IRF8: variants seen among roughly 807,000 people sequenced by gnomAD.
IRF8 encodes the protein interferon regulatory factor 8.
A neutral mutation model predicts 48.7 loss-of-function variants in IRF8; 14 were observed. The ratio of observed to expected loss-of-function variants is 0.29; its 90% confidence interval spans 0.19 to 0.45. The LOEUF is 0.45. Ranked by LOEUF, IRF8 falls within the 20% of genes least tolerant of loss-of-function variation. IRF8 has a pLI of 1.00. For missense variants in IRF8, 493 were observed against 580.7 expected, an observed-to-expected ratio of 0.85 and a Z score of 1.55; for synonymous variants, 278 against 227.3, an observed-to-expected ratio of 1.22 and a Z score of -2.01.
In IRF8 at chr16:85,909,044, A is replaced by T. The variant is rs922368153; in HGVS notation, c.229A>T (p.Thr77Ser). 3 of 1,614,076 alleles carry T rather than the reference A, an allele frequency of 1.9e-6. No homozygotes were observed. In the African/African-American group the frequency reaches 4.0e-5, roughly 22 times the overall value. ...FKEGDKAEPA[T>S]WKTRLRCALN... Reference sequence around the variant, plus strand: ...AGAAGGGGACAAAGCTGAACCAGCCACTTGGAAGACGAGGTTACGCTGTGC... The same window carrying T: ...AGAAGGGGACAAAGCTGAACCAGCCTCTTGGAAGACGAGGTTACGCTGTGC... The change falls in exon 3 of 9, where the codon ACT becomes TCT. Residue 77 changes from threonine (T) to serine (S), a missense_variant. By Grantham distance (58) the Thr-to-Ser change is moderately conservative. Transcript: ENST00000268638.
chr16:85,909,022 A>T lies in IRF8; in HGVS notation c.207A>T (p.Glu69Asp), dbSNP rs769848729. 1 of 1,614,022 alleles carries T rather than the reference A, an allele frequency of 6.2e-7. No homozygotes were observed. The highest frequency in any genetic ancestry group is 2.2e-5 in the East Asian group (1 of 44,894). The change falls in exon 3 of 9, where the codon GAA (glutamate) becomes GAT (aspartate). Residue 69 changes from glutamate (E) to aspartate (D), a missense_variant. By Grantham distance (45) the Glu-to-Asp change is conservative. Coordinates refer to ENST00000268638, the MANE Select transcript of IRF8 (RefSeq NM_002163.4). ...CAGTTTTTAAAGGGAAGTTTAAAGA[A>T]GGGGACAAAGCTGAACCAGCCACTT... ...AWAVFKGKFKEGDKAEPATWK... is the reference protein window; with the variant it reads ...AWAVFKGKFKDGDKAEPATWK...
rs1904739051 is a variant in IRF8 at position 85,899,177 on chromosome 16, G to C, written c.-48G>C. On this transcript the variant is annotated 5_prime_UTR_variant, in exon 1 of 9. Coordinates refer to ENST00000268638, the MANE Select transcript of IRF8 (RefSeq NM_002163.4). ...CTGGCGCATCGCCTGGAGCGCGGCA[G>C]CAAGCGTGGGAACGCGGGCGGCGAG... is the stretch of plus-strand genomic sequence containing the variant. The C allele has an allele frequency of 6.6e-6, 1 of 152,316 alleles. No homozygotes were observed. Among genetic ancestry groups the C allele is most frequent in the African/African-American group, 2.4e-5 (1 of 41,478 alleles). The allele number at this position is 152,316 out of a possible 1,614,324, so 9.4% of individuals were successfully genotyped here. A position where few individuals can be genotyped will look rare whatever the true frequency, so the allele number is the denominator to read the frequency against.
chr16:85,899,967 A>G (rs557952124), intron 1 of IRF8, among the ~76,000 whole-genome samples: 16 of 152,326 alleles, frequency 1.1e-4, no homozygotes, highest in Middle Eastern at 3.4e-3. Flanking sequence ...AGTCTCCCCA[A>G]CCAATGGCCC....
intron 6 of IRF8, chr16:85,918,211 T>G: frequency 1.7e-6 from 1 of 587,646 alleles, no homozygotes. Flanking sequence ...TGTTCAGTCA[T>G]TGGTTTCCTT....
intron 7 of IRF8, among the ~76,000 whole-genome samples, chr16:85,919,544 G>C (rs1905462904): frequency 6.6e-6 from 1 of 152,204 alleles, no homozygotes; most frequent in Non-Finnish European, 1.5e-5. Flanking sequence ...GAGGAGGTGT[G>C]AGGCCGCGGT....
Position 85,918,560 on chromosome 16 carries a change from C to T in IRF8, c.745C>T (p.Leu249=), listed in dbSNP as rs772597014. The T allele has an allele frequency of 3.7e-6, 6 of 1,603,962 alleles. No homozygotes were observed. Among genetic ancestry groups the T allele is most frequent in the Non-Finnish European group, 5.1e-6 (6 of 1,179,206 alleles). The change falls in exon 7 of 9, where the codon CTG becomes TTG. Residue 249 remains leucine, a synonymous_variant. Coordinates refer to ENST00000268638, the MANE Select transcript of IRF8 (RefSeq NM_002163.4). Reference sequence around the variant, plus strand: ...GCTGTATGGGCCCGAGGGCCTGGAGCTGGTGCGCTTCCCGCCGGCCGACGC... The same window carrying T: ...GCTGTATGGGCCCGAGGGCCTGGAGTTGGTGCGCTTCCCGCCGGCCGACGC... The part of the protein sequence containing the change: ...TKLYGPEGLE[L]VRFPPADAIP...
In IRF8 at chr16:85,909,310, G is replaced by A. The variant is rs753330403; in HGVS notation, c.358+137G>A. 480 of 741,550 alleles carry A rather than the reference G, an allele frequency of 6.5e-4. 1 individual carries two copies. Among genetic ancestry groups the A allele is most frequent in the Non-Finnish European group, 5.9e-4 (251 of 425,462 alleles). The allele number at this position is 741,550 out of a possible 1,614,324, so 45.9% of individuals were successfully genotyped here. On this transcript the variant is annotated intron_variant, in intron 3 of 8. Coordinates refer to ENST00000268638, the MANE Select transcript of IRF8 (RefSeq NM_002163.4). The stretch of plus-strand genomic sequence containing the variant: ...TAAACAAAGCAGTTCTCTCCTTCGT[G>A]TAAGCAGAAATTGAGATCTCTTTCC...
intron 1 of IRF8, among the ~76,000 whole-genome samples, 186 bp downstream of exon 1, chr16:85,899,409 C>G (rs375037745): frequency 1.1e-4 from 16 of 152,368 alleles, no homozygotes; most frequent in African/African-American, 3.1e-4. Context: ...ATCTGAATGC[C>G]CAAGTCGTTG....
rs1290030773 is a variant in IRF8, at chr16:85,920,987, A to G, written c.1105-119A>G. On this transcript the variant is annotated intron_variant, in intron 8 of 8. Transcript: ENST00000268638. ...TTGCCCTTCCTTGGCATTCTGGCTCATTCACTTGGGACTCACGTGGCACTG... is the reference window on the plus strand; with the variant it reads ...TTGCCCTTCCTTGGCATTCTGGCTCGTTCACTTGGGACTCACGTGGCACTG... 2.7e-5 allele frequency: 27 copies of G among 997,216 alleles called. No individual in the cohort carries two copies. The Admixed American group carries it at 3.4e-4, about 12-fold the overall frequency. The allele number at this position is 997,216 out of a possible 1,614,324, so 61.8% of individuals were successfully genotyped here.
At chr16:85,908,814 T>A (rs16939917) in intron 2 of IRF8, among the ~76,000 whole-genome samples, 176 bp from the exon 3 acceptor site, 18,121 of 152,024 alleles carry the variant, frequency 0.12, 2,231 homozygotes, top group African/African-American at 0.32. Context: ...GGTCCCCAGA[T>A]GTGAAAAGAC....
At chr16:85,913,410 G>C in intron 5 of IRF8, 174 bp downstream of exon 5, 1 of 635,784 alleles carries the variant, frequency 1.6e-6, no homozygotes, top group South Asian at 1.8e-5. Flanking sequence ...CATGAGGGCA[G>C]AGCCCAGCTG....
intron 2 of IRF8, among the ~76,000 whole-genome samples, chr16:85,903,731 C>G (rs1367369576): frequency 6.6e-6 from 1 of 152,130 alleles, no homozygotes; most frequent in African/African-American, 2.4e-5. Flanking sequence ...GTTCCCCATG[C>G]GTGGAGAGAC....
At position 85,921,346 on chromosome 16, in the gene IRF8, G is replaced by A. The variant is rs1167939604; in HGVS notation, c.*64G>A. On this transcript the variant is annotated 3_prime_UTR_variant, in exon 9 of 9. Transcript: ENST00000268638. ...ATCCATCTCCCTGTTACAGTGGCCC[G>A]CATCATGATTAAAGAATGTGGATCC... The A allele has an allele frequency of 5.9e-6, 9 of 1,522,002 alleles. No individual in the cohort carries two copies. Among genetic ancestry groups the A allele is most frequent in the Admixed American group, 5.0e-5 (3 of 59,892 alleles). 94.3% of individuals were successfully genotyped at this position (1,522,002 alleles called of 1,614,324 possible). A position where few individuals can be genotyped will look rare whatever the true frequency, so the allele number is the denominator to read the frequency against.
intron 3 of IRF8, 69 bp from the exon 4 acceptor site, chr16:85,911,501 A>G: frequency 7.8e-7 from 1 of 1,281,134 alleles, no homozygotes; most frequent in South Asian, 1.2e-5. Flanking sequence ...TACAGAGTAG[A>G]TTATGGCTTC....
intron 1 of IRF8, 35 bp from the exon 2 acceptor site, chr16:85,902,980 C>T (rs765088439): frequency 3.5e-5 from 57 of 1,611,128 alleles, no homozygotes; most frequent in South Asian, 1.1e-4. Context: ...AGACAATATC[C>T]GTAATATCAC....
At chr16:85,920,036 C>T (rs1321787938) in intron 7 of IRF8, 73 bp from the exon 8 acceptor site, 5 of 1,106,644 alleles carry the variant, frequency 4.5e-6, no homozygotes, top group African/African-American at 3.1e-5. Context: ...CCTGATCCCC[C>T]AGCCCTGCTG....
Position 85,921,332 on chromosome 16 carries a change from T to A in IRF8, c.*50T>A. Reference sequence around the variant, plus strand: ...CGTCTGCGTCCTGCATCCATCTCCCTGTTACAGTGGCCCGCATCATGATTA... The same window carrying A: ...CGTCTGCGTCCTGCATCCATCTCCCAGTTACAGTGGCCCGCATCATGATTA... On this transcript the variant is annotated 3_prime_UTR_variant, in exon 9 of 9. Coordinates refer to ENST00000268638, the MANE Select transcript of IRF8 (RefSeq NM_002163.4). 6.4e-7 allele frequency: 1 copy of A among 1,569,708 alleles called. No individual in the cohort carries two copies. Among genetic ancestry groups the A allele is most frequent in the East Asian group, 2.2e-5 (1 of 44,700 alleles).
intron 8 of IRF8, 125 bp downstream of exon 8, chr16:85,920,349 T>C (rs3751712): frequency 0.39 from 262,052 of 666,152 alleles, 53,127 homozygotes; most frequent in African/African-American, 0.48. Context: ...CGGGTTCAAG[T>C]GATTCTCCTG....
At chr16:85,915,141 G>A (rs1356453252) in intron 6 of IRF8, among the ~76,000 whole-genome samples, 1 of 148,042 alleles carries the variant, frequency 6.8e-6, no homozygotes, top group East Asian at 2.0e-4. Context: ...TCCAGACTGG[G>A]GGCCTCCCCG....
Sources: gnomAD v4.1 joint callset for allele counts (sites outside exome capture counted in the v4.1 genomes callset) on GRCh38, gnomAD v4.1.1 for gene constraint, MANE v1.5 for transcripts, NCBI Gene and HGNC (gene_info 2026-07-23, HGNC 2026-07-21) for gene names.